CTNND2: variants seen among roughly 807,000 people sequenced by gnomAD.
The protein encoded by CTNND2 is catenin delta-2.
Under a neutral mutation model 144.4 loss-of-function variants are expected in CTNND2, and 22 were observed. The ratio of observed to expected loss-of-function variants is 0.15; its 90% CI spans 0.11 to 0.22. The LOEUF (loss-of-function observed/expected upper bound fraction) is 0.22, where lower values mean the gene tolerates loss of function less well. CTNND2 is among the 10% of genes least tolerant of loss of function. The pLI, the probability that CTNND2 is intolerant of heterozygous loss-of-function variation, is 1.00. For missense variants in CTNND2, 1,353 were observed against 1,618.8 expected (o/e 0.84, Z 2.82); for synonymous variants, 751 against 695.6 (o/e 1.08, Z -1.25).
At chr5:11,867,602 C>T (rs577536545) in intron 1 of CTNND2, among the ~76,000 whole-genome samples, 147 of 152,044 alleles carry the variant, frequency 9.7e-4, no homozygotes, top group Non-Finnish European at 1.7e-3. Context: ...AAAAGACCCA[C>T]CAGTTTTGCC....
At chr5:11,195,730 T>C (rs1382402254) in intron 11 of CTNND2, among the ~76,000 whole-genome samples, 1 of 152,270 alleles carries the variant, frequency 6.6e-6, no homozygotes, top group Non-Finnish European at 1.5e-5. Context: ...TAAAGCATTC[T>C]GAAATCTTTA....
At chr5:11,416,087 TTG>T (rs1761912223) in intron 3 of CTNND2, among the ~76,000 whole-genome samples, 2 of 152,324 alleles carry the variant, frequency 1.3e-5, no homozygotes, top group African/African-American at 4.8e-5. Flanking sequence ...AAGGCATTTC[TTG>T]CTCTTGCTCT....
At chr5:11,183,134 G>A (rs114993901) in intron 11 of CTNND2, among the ~76,000 whole-genome samples, 207 of 152,178 alleles carry the variant, frequency 1.4e-3, no homozygotes, top group South Asian at 6.4e-3. Flanking sequence ...GTTTATACAT[G>A]ACAAAAAAAT....
chr5:11,655,786 G>A (rs1448505313), intron 2 of CTNND2, among the ~76,000 whole-genome samples: 10 of 152,024 alleles, frequency 6.6e-5, no homozygotes, highest in Non-Finnish European at 7.4e-5. Context: ...TTCATGTATG[G>A]TTACCCAGGA....
chr5:11,199,393 G>T, intron 11 of CTNND2, 55 bp downstream of exon 11: 1 of 1,491,872 alleles, frequency 6.7e-7, no homozygotes, highest in Non-Finnish European at 9.3e-7. Flanking sequence ...CTCTGTGTTG[G>T]ATAATGGAAA....
intron 3 of CTNND2, among the ~76,000 whole-genome samples, chr5:11,441,368 AT>A (rs774610481): frequency 0.02 from 2,007 of 98,722 alleles, 45 homozygotes; most frequent in African/African-American, 0.048. Flanking sequence ...CCAATGTGGG[AT>A]TTTTTTTTTT....
At chr5:11,192,638 G>A (rs1334658646) in intron 11 of CTNND2, among the ~76,000 whole-genome samples, 1 of 152,166 alleles carries the variant, frequency 6.6e-6, no homozygotes, top group Non-Finnish European at 1.5e-5. Flanking sequence ...GAAGGCAGTG[G>A]AAAGGGGTCA....
intron 11 of CTNND2, among the ~76,000 whole-genome samples, chr5:11,162,892 C>G (rs1758920256): frequency 1.0e-5 from 1 of 97,728 alleles, no homozygotes; most frequent in African/African-American, 4.0e-5. Flanking sequence ...GCTACACACA[C>G]ACACACACAC....
rs186812031 is a variant in CTNND2, at chr5:11,717,905, C to T, written c.174+14231G>A. ...AGGTGAGATTTGGGTGGGGACACAG[C>T]CAAACCATATCACTCACCATTAATG... On this transcript the variant is annotated intron_variant, in intron 2 of 21. Coordinates refer to ENST00000304623, the MANE Select transcript of CTNND2 (RefSeq NM_001332.4). Among the ~76,000 whole-genome samples, 33 of 152,214 alleles carry T rather than the reference C, an allele frequency of 2.2e-4. No individual in the cohort carries two copies. The South Asian group carries it at 5.2e-3, about 24-fold the overall frequency.
chr5:11,565,404 TACC>T (rs61763037), intron 2 of CTNND2, among the ~76,000 whole-genome samples: 132 of 152,368 alleles, frequency 8.7e-4, no homozygotes, highest in African/African-American at 3.0e-3. Flanking sequence ...ATACTCCTGA[TACC>T]ACAAGTATAG....
At chr5:11,129,256 A>T (rs1185137869) in intron 12 of CTNND2, among the ~76,000 whole-genome samples, 1 of 69,540 alleles carries the variant, frequency 1.4e-5, no homozygotes, top group South Asian at 3.6e-4. Context: ...ATTATATAAA[A>T]ATATAAATAT....
intron 18 of CTNND2, among the ~76,000 whole-genome samples, chr5:10,997,118 G>T (rs77816110): frequency 0.11 from 16,798 of 152,078 alleles, 1,081 homozygotes; most frequent in Non-Finnish European, 0.15. Flanking sequence ...GAAGGGTGGG[G>T]GTGGTAGGTA....
intron 1 of CTNND2, among the ~76,000 whole-genome samples, chr5:11,744,697 G>T (rs925311634): frequency 6.0e-5 from 9 of 149,890 alleles, no homozygotes; most frequent in African/African-American, 2.3e-4. Flanking sequence ...GTGTGTGTGC[G>T]TGTGTGTGTG....
chr5:11,806,812 T>G (rs916829956), intron 1 of CTNND2, among the ~76,000 whole-genome samples: 1 of 152,066 alleles, frequency 6.6e-6, no homozygotes, highest in Admixed American at 6.6e-5. Flanking sequence ...TTGATGATCA[T>G]GAATAATTGA....
At chr5:11,670,073 T>C (rs760474746) in intron 2 of CTNND2, among the ~76,000 whole-genome samples, 43 of 152,214 alleles carry the variant, frequency 2.8e-4, no homozygotes, top group Non-Finnish European at 5.7e-4. Context: ...AGTGAGTTTC[T>C]TAATCCTGAG....
chr5:10,973,669 G>A lies in CTNND2; in HGVS notation c.3462C>T (p.Tyr1154=), dbSNP rs148459685. 2.6e-3 allele frequency: 4,268 copies of A among 1,612,878 alleles called. 25 individuals are homozygous for A. The highest frequency in any genetic ancestry group is 9.5e-3 in the South Asian group (864 of 90,842). ...PVPQEPSRKD[Y]ETYQPFQNST... is the part of the protein sequence containing the mutation. ...AATTCTGAAATGGCTGGTAGGTCTC[G>A]TAATCTTTTCTGCTGGGCTCCTGTG... The change falls in exon 22 of 22, where the codon TAC becomes TAT. Residue 1154 remains tyrosine, a synonymous_variant. Coordinates refer to ENST00000304623, the MANE Select transcript of CTNND2 (RefSeq NM_001332.4). This position sits in a 1 kb window ranked among gnomAD's most constrained non-coding sequence, Gnocchi z 5.6.
At chr5:11,586,705 A>C (rs1778888668) in intron 2 of CTNND2, among the ~76,000 whole-genome samples, 1 of 152,236 alleles carries the variant, frequency 6.6e-6, no homozygotes, top group African/African-American at 2.4e-5. Flanking sequence ...TGTGTGGATA[A>C]AATTTGTGAG....
intron 6 of CTNND2, among the ~76,000 whole-genome samples, chr5:11,396,105 G>A (rs1760101699): frequency 6.6e-6 from 1 of 152,198 alleles, no homozygotes; most frequent in Non-Finnish European, 1.5e-5. Flanking sequence ...GGAAGAGATA[G>A]TGCCCAATAA....
intron 3 of CTNND2, among the ~76,000 whole-genome samples, chr5:11,560,798 T>C (rs755946917): frequency 1.3e-5 from 2 of 152,198 alleles, no homozygotes; most frequent in Non-Finnish European, 2.9e-5. Flanking sequence ...GAAAGCATCA[T>C]AGGCTCTGAG....
Sources: gnomAD v4.1 joint callset for allele counts (sites outside exome capture counted in the v4.1 genomes callset) on GRCh38, gnomAD v4.1.1 for gene constraint, Gnocchi (gnomAD v3.1) non-coding constraint, MANE v1.5 for transcripts, NCBI Gene and HGNC (gene_info 2026-07-23, HGNC 2026-07-21) for gene names.